NEAT1: variants seen among roughly 807,000 people sequenced by gnomAD.
NEAT1 encodes the protein MENepsilon/beta.
chr11:65,442,209 A>T (rs1340581115), exon 1 of NEAT1: 1 of 151,530 alleles, frequency 6.6e-6, no homozygotes, highest in Non-Finnish European at 1.5e-5. Flanking sequence ...ACAGGCATTC[A>T]GCTGACAGCC....
At chr11:65,425,586 T>G (rs1422590772) in exon 1 of NEAT1, 1 of 152,164 alleles carries the variant, frequency 6.6e-6, no homozygotes. Context: ...ATGCCTATAT[T>G]GTGGGCTTTT....
exon 1 of NEAT1, chr11:65,441,648 C>T (rs532320767): frequency 4.1e-4 from 62 of 151,950 alleles, no homozygotes; most frequent in African/African-American, 1.4e-3. Flanking sequence ...CCTAGTTTTT[C>T]GTTTTTAATA....
exon 1 of NEAT1, chr11:65,435,737 C>T (rs534262955): frequency 6.6e-6 from 1 of 152,290 alleles, no homozygotes; most frequent in Non-Finnish European, 1.5e-5. Context: ...TGCCGTGGAA[C>T]TGGGGTAAAA....
chr11:65,423,522 C>T (rs1437092208), exon 1 of NEAT1: 3 of 152,284 alleles, frequency 2.0e-5, no homozygotes, highest in Non-Finnish European at 4.4e-5. Flanking sequence ...AAGGCGCCAT[C>T]CTCACCGGTG....
At chr11:65,434,422 A>T (rs572653670) in exon 1 of NEAT1, 1 of 152,254 alleles carries the variant, frequency 6.6e-6, no homozygotes, top group African/African-American at 2.4e-5. Context: ...TTTCTATAGA[A>T]GTGGTAAAAT....
exon 1 of NEAT1, chr11:65,427,775 T>G (rs1856576252): frequency 6.6e-6 from 1 of 152,212 alleles, no homozygotes; most frequent in South Asian, 2.1e-4. Flanking sequence ...TCAGAACTCC[T>G]TGTTTCTCGT....
chr11:65,437,422 A>G (rs982744392), exon 1 of NEAT1: 1 of 151,866 alleles, frequency 6.6e-6, no homozygotes, highest in African/African-American at 2.4e-5. Context: ...AGGGTTAGTT[A>G]GCCTGTTGTC....
At chr11:65,440,916 T>C (rs1856708785) in exon 1 of NEAT1, 1 of 147,500 alleles carries the variant, frequency 6.8e-6, no homozygotes, top group African/African-American at 2.5e-5. Flanking sequence ...CTTAAGGGCA[T>C]CATCAGGCAG....
exon 1 of NEAT1, chr11:65,435,582 C>G (rs1345301753): frequency 6.6e-6 from 1 of 152,108 alleles, no homozygotes; most frequent in African/African-American, 2.4e-5. Context: ...GCTGAGGCAC[C>G]CAGAGGCAGT....
exon 1 of NEAT1, chr11:65,435,996 G>T (rs1271549676): frequency 3.9e-5 from 6 of 152,252 alleles, no homozygotes; most frequent in Non-Finnish European, 8.8e-5. Flanking sequence ...GTGGCATCCT[G>T]GTCTGGGAAG....
chr11:65,444,511 G>A (rs760246850), exon 1 of NEAT1: 1 of 492,146 alleles, frequency 2.0e-6, no homozygotes, highest in Admixed American at 2.2e-5. Context: ...ACTAGCAGGA[G>A]GGGCTCCAGG....
At chr11:65,424,506 C>T (rs1856540727) in exon 1 of NEAT1, 1 of 152,162 alleles carries the variant, frequency 6.6e-6, no homozygotes, top group Non-Finnish European at 1.5e-5. Flanking sequence ...GTTTGCCTGC[C>T]TTCTTGTGCG....
chr11:65,425,783 T>C (rs1394229129), exon 1 of NEAT1: 1 of 152,184 alleles, frequency 6.6e-6, no homozygotes, highest in Admixed American at 6.6e-5. Context: ...TTGGTCGATA[T>C]TAATAATGGC....
At chr11:65,443,920 C>T (rs1035383394) in exon 1 of NEAT1, 44 of 157,420 alleles carry the variant, frequency 2.8e-4, no homozygotes, top group Admixed American at 2.5e-3. Context: ...GTTGCTAACA[C>T]GCTGAATTAA....
At chr11:65,443,356 A>G (rs995978204) in exon 1 of NEAT1, 2 of 152,234 alleles carry the variant, frequency 1.3e-5, no homozygotes, top group African/African-American at 4.8e-5. Flanking sequence ...ACACATGTGC[A>G]CACACACTCC....
chr11:65,438,435 A>G (rs1262552081), exon 1 of NEAT1: 2 of 152,144 alleles, frequency 1.3e-5, no homozygotes, highest in African/African-American at 4.8e-5. Context: ...GGCTTTTAGT[A>G]TATTTGCTAT....
exon 1 of NEAT1, chr11:65,432,356 C>G (rs1856620577): frequency 6.6e-6 from 1 of 152,186 alleles, no homozygotes; most frequent in East Asian, 1.9e-4. Context: ...GATTGTAAAC[C>G]TTATCCTCCA....
exon 1 of NEAT1, chr11:65,437,089 G>T (rs1856664032): frequency 6.6e-6 from 1 of 151,384 alleles, no homozygotes; most frequent in Non-Finnish European, 1.5e-5. Flanking sequence ...TTAATAATAA[G>T]AGCTCTTTAC....
exon 1 of NEAT1, chr11:65,426,292 C>CT (rs1856560770): frequency 6.6e-6 from 1 of 152,060 alleles, no homozygotes; most frequent in Admixed American, 6.6e-5. Context: ...TAACCAATGA[C>CT]TTGGGGATGA....
Sources: allele counts gnomAD v4.1 joint callset, GRCh38; gene constraint gnomAD v4.1.1; transcripts MANE v1.5; gene names NCBI Gene and HGNC (gene_info 2026-07-23, HGNC 2026-07-21).